KMO: variants seen among roughly 807,000 people sequenced by gnomAD.
KMO encodes kynurenine 3-monooxygenase, also known as kynurenine 3-hydroxylase.
KMO carries 24 observed loss-of-function variants against 57.8 expected under a neutral mutation model. That is an observed-to-expected ratio of 0.42 (90% CI 0.30 to 0.58). The LOEUF (loss-of-function observed/expected upper bound fraction) is 0.58, where lower values mean the gene tolerates loss of function less well. KMO is among the 20% of genes least tolerant of loss of function. The probability of loss-of-function intolerance (pLI) is 0.22; values close to 1 mark genes in which losing one functional copy is unlikely to be tolerated. For synonymous variants in KMO, 210 were observed against 193.6 expected (o/e 1.08, Z -0.70); for missense variants, 483 against 588.2 (o/e 0.82, Z 1.85).
At chr1:241,543,663 A>T (rs187170911) in intron 1 of KMO, among the ~76,000 whole-genome samples, 1 of 152,182 alleles carries the variant, frequency 6.6e-6, no homozygotes, top group Admixed American at 6.6e-5. Flanking sequence ...GGTTTGTTCA[A>T]TATGTGAATA....
intron 9 of KMO, among the ~76,000 whole-genome samples, chr1:241,567,735 C>G (rs931182411): frequency 2.0e-5 from 3 of 152,214 alleles, no homozygotes; most frequent in African/African-American, 7.2e-5. Flanking sequence ...TCCCTGAAGA[C>G]TAATTTAGTC....
chr1:241,594,141 A>G lies in KMO; in HGVS notation c.*1988A>G. Reference sequence around the variant, plus strand: ...TGGAAAATAGAGTAATTTAAAAAATATATTTGAAATGAAAATCTCCAACAC... The same window carrying G: ...TGGAAAATAGAGTAATTTAAAAAATGTATTTGAAATGAAAATCTCCAACAC... On this transcript the variant is annotated 3_prime_UTR_variant, in exon 15 of 15. Transcript: ENST00000366559. 3.0e-6 allele frequency: 1 copy of G among 331,734 alleles called. No individual in the cohort carries two copies. 20.5% of individuals were successfully genotyped at this position (331,734 alleles called of 1,614,324 possible). A position where few individuals can be genotyped will look rare whatever the true frequency, so the allele number is the denominator to read the frequency against.
Position 241,594,391 on chromosome 1 carries a change from A to G in KMO, c.*2238A>G. On this transcript the variant is annotated 3_prime_UTR_variant, in exon 15 of 15. Transcript: ENST00000366559. ...TGATGAAAGTCCAAAAGTGGCATCC[A>G]ATTTAAGGCCCCATCTTTCGTTGCC... The G allele has an allele frequency of 1.3e-6, 2 of 1,592,032 alleles. No homozygotes were observed. Among genetic ancestry groups the G allele is most frequent in the Non-Finnish European group, 1.7e-6 (2 of 1,167,456 alleles).
chr1:241,579,396 T>C (rs1278810045), intron 10 of KMO, among the ~76,000 whole-genome samples: 1 of 152,060 alleles, frequency 6.6e-6, no homozygotes, highest in Non-Finnish European at 1.5e-5. Flanking sequence ...GTCAGAGTTG[T>C]GCTGGGCAGG....
rs148429745 is a variant in KMO at position 241,538,678 on chromosome 1, C to T, written c.54+6180C>T. On this transcript the variant is annotated intron_variant, in intron 1 of 14. Coordinates refer to ENST00000366559, the MANE Select transcript of KMO (RefSeq NM_003679.5). ...TGAGCCTTCTTAAATATGAAAAACT[C>T]TCATTAGTGGCCCATATCTAGCACC... Among the ~76,000 whole-genome samples, 11 of 152,238 alleles carry T rather than the reference C, an allele frequency of 7.2e-5. No individual in the cohort carries two copies. In the East Asian group the frequency reaches 2.1e-3, roughly 29 times the overall value.
rs141740280 is a variant in KMO at position 241,546,691 on chromosome 1, A to G, written c.55-2138A>G. ...GGCATATCATTCACTTACATAGGGA[A>G]TATGTGGAGAGAATTGATGAGATGG... On this transcript the variant is annotated intron_variant, in intron 1 of 14. Transcript: ENST00000366559. 6.1e-3 allele frequency among the ~76,000 whole-genome samples: 932 copies of G among 152,266 alleles called. 3 individuals are homozygous for G. The highest frequency in any genetic ancestry group is 0.011 in the Non-Finnish European group (752 of 68,022).
intron 10 of KMO, among the ~76,000 whole-genome samples, chr1:241,572,283 G>C (rs1662322027): frequency 6.6e-6 from 1 of 152,018 alleles, no homozygotes; most frequent in Non-Finnish European, 1.5e-5. Context: ...GTTAATGGTG[G>C]AATTTCTTTA....
intron 4 of KMO, among the ~76,000 whole-genome samples, chr1:241,555,145 ACACACACACACGCGTG>A (rs1240608917): frequency 1.3e-5 from 2 of 151,844 alleles, no homozygotes; most frequent in Middle Eastern, 3.4e-3. Flanking sequence ...CACAACCAAC[ACACACACACACGCGTG>A]CACACACACA....
intron 4 of KMO, among the ~76,000 whole-genome samples, chr1:241,553,851 C>T (rs1244356442): frequency 6.6e-6 from 1 of 152,110 alleles, no homozygotes; most frequent in Non-Finnish European, 1.5e-5. Context: ...TATACAAAGA[C>T]CAGAATTTCC....
In KMO at chr1:241,594,066, A is replaced by T. The variant is rs1318258050; in HGVS notation, c.*1913A>T. The stretch of plus-strand genomic sequence containing the variant: ...TAGCTACTTCACACATGTGTACGCG[A>T]CAGTTATTTTTACAGTAAGGTATTT... On this transcript the variant is annotated 3_prime_UTR_variant, in exon 15 of 15. Transcript: ENST00000366559. 5 of 235,736 alleles carry T rather than the reference A, an allele frequency of 2.1e-5. No homozygotes were observed. Among genetic ancestry groups the T allele is most frequent in the South Asian group, 1.4e-4 (2 of 14,462 alleles). The allele number at this position is 235,736 out of a possible 1,614,324, so 14.6% of individuals were successfully genotyped here.
At chr1:241,537,978 C>T (rs1011385981) in intron 1 of KMO, among the ~76,000 whole-genome samples, 5 of 152,098 alleles carry the variant, frequency 3.3e-5, no homozygotes, top group Non-Finnish European at 7.4e-5. Context: ...CAGGACAGCC[C>T]AGCAAGGAGA....
rs60952289 is a variant in KMO at position 241,548,088 on chromosome 1, A to AACACACACACAC, written c.55-731_55-720dup. Among the ~76,000 whole-genome samples, 78 of 148,942 alleles carry AACACACACACAC rather than the reference A, an allele frequency of 5.2e-4. 2 individuals are homozygous for AACACACACACAC. The South Asian group carries it at 0.012, about 22-fold the overall frequency. ...AGAAGCAAGATGCAAAAACAAACAA[A>AACACACACACAC]ACACACACACACACACACACAGTGT... On this transcript the variant is annotated intron_variant, in intron 1 of 14. Transcript: ENST00000366559.
chr1:241,591,104 G>C (rs917158321), intron 14 of KMO, among the ~76,000 whole-genome samples: 1 of 152,122 alleles, frequency 6.6e-6, no homozygotes, highest in African/African-American at 2.4e-5. Context: ...AAGAAATCAA[G>C]GTTTATCTGT....
chr1:241,545,439 C>T (rs549362241), intron 1 of KMO, among the ~76,000 whole-genome samples: 1 of 152,090 alleles, frequency 6.6e-6, no homozygotes, highest in Non-Finnish European at 1.5e-5. Context: ...TGGTTCCTTC[C>T]GAGAGCTGTG....
chr1:241,562,751 A>G (rs1440086489), intron 7 of KMO, among the ~76,000 whole-genome samples: 1 of 152,122 alleles, frequency 6.6e-6, no homozygotes, highest in African/African-American at 2.4e-5. Flanking sequence ...AGGTGGAAGG[A>G]TTGCTTGAGC....
intron 1 of KMO, among the ~76,000 whole-genome samples, chr1:241,536,140 G>T (rs1304823353): frequency 6.6e-6 from 1 of 151,980 alleles, no homozygotes; most frequent in East Asian, 1.9e-4. Flanking sequence ...ATTATGTCAT[G>T]AGGAATGTAG....
At chr1:241,551,248 GGAA>G in intron 4 of KMO, among the ~76,000 whole-genome samples, 1 of 152,296 alleles carries the variant, frequency 6.6e-6, no homozygotes, top group South Asian at 2.1e-4. Context: ...TAAACATTCA[GGAA>G]GAATTAGCTG....
intron 1 of KMO, among the ~76,000 whole-genome samples, chr1:241,548,026 T>C (rs1661213348): frequency 6.6e-6 from 1 of 151,966 alleles, no homozygotes. Context: ...TAAGTTTACA[T>C]GTAACCATAT....
At chr1:241,571,969 C>T (rs1311889436) in intron 10 of KMO, among the ~76,000 whole-genome samples, 2 of 143,920 alleles carry the variant, frequency 1.4e-5, no homozygotes, top group South Asian at 2.2e-4. Context: ...CGGGTTTAAG[C>T]GATTTTCCTG....
Sources: gnomAD v4.1 joint callset for allele counts (sites outside exome capture counted in the v4.1 genomes callset) on GRCh38, gnomAD v4.1.1 for gene constraint, MANE v1.5 for transcripts, NCBI Gene and HGNC (gene_info 2026-07-23, HGNC 2026-07-21) for gene names.